ERBB4: variants seen among roughly 807,000 people sequenced by gnomAD.
ERBB4 encodes the protein erb-b2 receptor tyrosine kinase 4.
ERBB4 carries 42 observed loss-of-function variants against 158.0 expected under a neutral mutation model. The ratio of observed to expected loss-of-function variants is 0.27; its 90% CI spans 0.21 to 0.34. The LOEUF is 0.34. ERBB4 is among the 10% of genes least tolerant of loss of function. ERBB4 has a pLI of 1.00. For missense variants in ERBB4, 1,333 were observed against 1,624.1 expected, an observed-to-expected ratio of 0.82 and a Z score of 3.08; for synonymous variants, 583 against 558.7, an observed-to-expected ratio of 1.04 and a Z score of -0.61.
chr2:211,502,452 C>T (rs2065640888), intron 20 of ERBB4, among the ~76,000 whole-genome samples: 2 of 152,088 alleles, frequency 1.3e-5, no homozygotes, highest in African/African-American at 4.8e-5. Context: ...CATTCAATTA[C>T]CTATTAGCCC....
chr2:211,962,306 GT>G (rs1220870262), intron 2 of ERBB4, among the ~76,000 whole-genome samples: 1 of 152,154 alleles, frequency 6.6e-6, no homozygotes, highest in African/African-American at 2.4e-5. Context: ...TATGCATAGT[GT>G]TCCTTGCTAT....
At chr2:211,540,434 G>T (rs1439988150) in intron 20 of ERBB4, among the ~76,000 whole-genome samples, 1 of 151,946 alleles carries the variant, frequency 6.6e-6, no homozygotes, top group Non-Finnish European at 1.5e-5. Flanking sequence ...GCATCCAGGA[G>T]GGGGAACGAC....
At chr2:211,915,229 T>G (rs952313388) in intron 3 of ERBB4, among the ~76,000 whole-genome samples, 1 of 152,176 alleles carries the variant, frequency 6.6e-6, no homozygotes, top group Non-Finnish European at 1.5e-5. Context: ...GCTTTTGATA[T>G]CTGTATGAAG....
intron 12 of ERBB4, among the ~76,000 whole-genome samples, chr2:211,697,528 A>G (rs2073069482): frequency 6.6e-6 from 1 of 152,202 alleles, no homozygotes; most frequent in Non-Finnish European, 1.5e-5. Context: ...ACACATTTAA[A>G]GAACAAAATT....
chr2:211,844,584 G>A (rs1048772017), intron 3 of ERBB4, among the ~76,000 whole-genome samples: 8 of 152,146 alleles, frequency 5.3e-5, no homozygotes, highest in Non-Finnish European at 7.4e-5. Context: ...CGAGGGAGAA[G>A]CTTCATAACT....
At chr2:212,102,865 T>C (rs2125521425) in intron 2 of ERBB4, among the ~76,000 whole-genome samples, 1 of 152,232 alleles carries the variant, frequency 6.6e-6, no homozygotes, top group Middle Eastern at 3.4e-3. Flanking sequence ...CCAAAACACA[T>C]CTCACATCTG....
chr2:212,057,405 G>C (rs1040344221), intron 2 of ERBB4, among the ~76,000 whole-genome samples: 23 of 152,144 alleles, frequency 1.5e-4, no homozygotes, highest in Non-Finnish European at 3.2e-4. Flanking sequence ...ACCAGGAATT[G>C]AACTCAGCTC....
chr2:211,683,161 C>T (rs1193263328), intron 12 of ERBB4, among the ~76,000 whole-genome samples: 1 of 151,782 alleles, frequency 6.6e-6, no homozygotes, highest in East Asian at 1.9e-4. Flanking sequence ...AGTAATGATA[C>T]AGAGAGATAC....
At chr2:211,903,795 A>T (rs1276613767) in intron 3 of ERBB4, among the ~76,000 whole-genome samples, 1 of 151,994 alleles carries the variant, frequency 6.6e-6, no homozygotes, top group Non-Finnish European at 1.5e-5. Flanking sequence ...AAAAGAAAAA[A>T]AAAAGCACCT....
chr2:212,498,932 A>G (rs1690730043), intron 1 of ERBB4, among the ~76,000 whole-genome samples: 1 of 152,084 alleles, frequency 6.6e-6, no homozygotes, highest in African/African-American at 2.4e-5. Flanking sequence ...ATCTTTGAAG[A>G]TTCTGGACAA....
rs113337805 is a variant in ERBB4 at position 212,467,428 on chromosome 2, T to A, written c.82+71021A>T. On this transcript the variant is annotated intron_variant, in intron 1 of 27. Transcript: ENST00000342788. ...CAGCCTAGAGATTTGGTGCCCTGCA[T>A]CCCAGGTTGGCCCCTTTCAGCTGTT... 1.9e-3 allele frequency among the ~76,000 whole-genome samples: 285 copies of A among 152,272 alleles called. 2 individuals carry two copies. The highest frequency in any genetic ancestry group is 3.2e-3 in the Non-Finnish European group (215 of 68,016).
In ERBB4 at chr2:212,332,812, T is replaced by G. The variant is rs192092234; in HGVS notation, c.82+205637A>C. On this transcript the variant is annotated intron_variant, in intron 1 of 27. Coordinates refer to ENST00000342788, the MANE Select transcript of ERBB4 (RefSeq NM_005235.3). ...TAAAAAGAATGGCTATTTGGATTTC[T>G]TTATGGTACCGTCCAAAAGAAAATC... 3.1e-3 allele frequency among the ~76,000 whole-genome samples: 477 copies of G among 152,198 alleles called. 2 individuals are homozygous for G. Among genetic ancestry groups the G allele is most frequent in the Middle Eastern group, 0.014 (4 of 294 alleles).
intron 20 of ERBB4, among the ~76,000 whole-genome samples, chr2:211,442,733 G>GTGTA (rs1553536041): frequency 6.6e-6 from 1 of 150,836 alleles, no homozygotes; most frequent in African/African-American, 2.4e-5. Context: ...ATACATATGT[G>GTGTA]TATATATATA....
chr2:212,191,645 T>TAA (rs2082214985), intron 1 of ERBB4, among the ~76,000 whole-genome samples: 2 of 127,764 alleles, frequency 1.6e-5, no homozygotes, highest in South Asian at 2.2e-4. Flanking sequence ...ATGCTATATA[T>TAA]AACACATGCG....
intron 2 of ERBB4, among the ~76,000 whole-genome samples, chr2:211,965,083 C>T (rs1195853578): frequency 6.6e-6 from 1 of 152,154 alleles, no homozygotes; most frequent in Non-Finnish European, 1.5e-5. Flanking sequence ...ACATGATTAC[C>T]TAATTTGTAT....
Position 211,930,371 on chromosome 2 carries a change from G to A in ERBB4, c.421+17059C>T, listed in dbSNP as rs564647931. ...TTAAGCTGTCAATTACCTTATTTAC[G>A]GAGTAAAAGAATACAAACAAACATG... On this transcript the variant is annotated intron_variant, in intron 3 of 27. Transcript: ENST00000342788. 2.6e-5 allele frequency among the ~76,000 whole-genome samples: 4 copies of A among 152,172 alleles called. No individual in the cohort carries two copies. In the South Asian group the frequency reaches 6.2e-4, roughly 24 times the overall value.
At chr2:212,251,883 A>G (rs2084548078) in intron 1 of ERBB4, among the ~76,000 whole-genome samples, 1 of 151,966 alleles carries the variant, frequency 6.6e-6, no homozygotes, top group Non-Finnish European at 1.5e-5. Flanking sequence ...GGTCTGATTT[A>G]CATTTTAGCA....
intron 2 of ERBB4, among the ~76,000 whole-genome samples, chr2:212,078,951 C>A (rs1371728547): frequency 6.6e-6 from 1 of 150,794 alleles, no homozygotes; most frequent in Non-Finnish European, 1.5e-5. Flanking sequence ...TTTTTAATAA[C>A]TTATTTTTTC....
At chr2:211,718,479 C>T (rs2073993942) in intron 7 of ERBB4, among the ~76,000 whole-genome samples, 1 of 152,074 alleles carries the variant, frequency 6.6e-6, no homozygotes, top group Non-Finnish European at 1.5e-5. Context: ...AAACAATATT[C>T]AGTTTTTATG....
Sources: gnomAD v4.1 joint callset for allele counts (sites outside exome capture counted in the v4.1 genomes callset) on GRCh38, gnomAD v4.1.1 for gene constraint, MANE v1.5 for transcripts, NCBI Gene and HGNC (gene_info 2026-07-23, HGNC 2026-07-21) for gene names.